Variants in CCDC170 observed in about 807,000 individuals in gnomAD.
CCDC170 encodes the protein coiled-coil domain containing 170.
Under a neutral mutation model 72.6 loss-of-function variants are expected in CCDC170, and 69 were observed. The observed-to-expected ratio is 0.95, with a 90% CI of 0.78 to 1.16. CCDC170 has a LOEUF of 1.16. CCDC170 is among the 50% of genes most tolerant of loss of function. CCDC170 has a pLI of 0.00. For missense variants in CCDC170, 852 were observed against 832.5 expected (o/e 1.02, Z -0.29); for synonymous variants, 300 against 303.9 (o/e 0.99, Z 0.13).
intron 9 of CCDC170, among the ~76,000 whole-genome samples, chr6:151,611,381 G>T (rs1162195304): frequency 6.6e-6 from 1 of 152,186 alleles, no homozygotes; most frequent in Non-Finnish European, 1.5e-5. Flanking sequence ...AGTTCTAGAG[G>T]CTGGGAAGTT....
chr6:151,578,420 G>C (rs1017470567), intron 6 of CCDC170, among the ~76,000 whole-genome samples: 2 of 152,072 alleles, frequency 1.3e-5, no homozygotes, highest in Admixed American at 1.3e-4. Context: ...TTTGTTGTAG[G>C]GATAGTGTTC....
In CCDC170 at chr6:151,536,282, T is replaced by C. The variant is rs1471797717; in HGVS notation, c.58-36T>C. The C allele has an allele frequency of 5.0e-6, 8 of 1,608,348 alleles. No individual in the cohort carries two copies. The Admixed American group carries it at 8.3e-5, about 17-fold the overall frequency. On this transcript the variant is annotated intron_variant, in intron 1 of 10. Coordinates refer to ENST00000239374, the MANE Select transcript of CCDC170 (RefSeq NM_025059.4). The stretch of plus-strand genomic sequence containing the variant: ...GCACGGAAAAGATCGTTTAACACTC[T>C]TCTTTATATTTTGTATTTTGGGGGA...
intron 5 of CCDC170, among the ~76,000 whole-genome samples, chr6:151,552,195 T>C (rs1185434752): frequency 6.6e-6 from 1 of 152,204 alleles, no homozygotes; most frequent in Non-Finnish European, 1.5e-5. Flanking sequence ...TTAAGGCTTT[T>C]GGCAAGAATA....
chr6:151,607,061 A>G (rs1266220191), intron 9 of CCDC170, among the ~76,000 whole-genome samples: 1 of 152,150 alleles, frequency 6.6e-6, no homozygotes, highest in Non-Finnish European at 1.5e-5. Flanking sequence ...CCATTTAGCC[A>G]CTAATTGGAG....
intron 7 of CCDC170, among the ~76,000 whole-genome samples, chr6:151,587,367 C>G (rs1052222049): frequency 2.0e-5 from 3 of 151,792 alleles, no homozygotes; most frequent in African/African-American, 4.8e-5. Context: ...GTCTGGTGAC[C>G]AAAGAGAAGA....
chr6:151,563,106 T>C (rs1776069083), intron 5 of CCDC170, among the ~76,000 whole-genome samples: 1 of 152,150 alleles, frequency 6.6e-6, no homozygotes, highest in Non-Finnish European at 1.5e-5. Flanking sequence ...GGTTTGTCTG[T>C]CTTCCTTTTC....
At chr6:151,614,632 T>A (rs1366366372) in intron 9 of CCDC170, among the ~76,000 whole-genome samples, 4 of 149,194 alleles carry the variant, frequency 2.7e-5, no homozygotes, top group East Asian at 1.9e-4. Flanking sequence ...CTTTTGTATT[T>A]TTTTTTTTTT....
intron 1 of CCDC170, among the ~76,000 whole-genome samples, chr6:151,529,670 A>T (rs1782466312): frequency 6.6e-6 from 1 of 152,136 alleles, no homozygotes. Context: ...ACAAAAACAA[A>T]AACAAAATAA....
intron 1 of CCDC170, among the ~76,000 whole-genome samples, chr6:151,527,277 G>A (rs1697535514): frequency 6.6e-6 from 1 of 151,938 alleles, no homozygotes; most frequent in African/African-American, 2.4e-5. Flanking sequence ...AATATGATCA[G>A]TTTTTTCACC....
chr6:151,503,059 C>T (rs772600303), intron 1 of CCDC170, among the ~76,000 whole-genome samples: 2 of 152,034 alleles, frequency 1.3e-5, no homozygotes, highest in African/African-American at 2.4e-5. Context: ...CACCTGTAGT[C>T]CCAGCTGCTC....
At chr6:151,615,405 A>T in intron 9 of CCDC170, 38 bp from the exon 10 acceptor site, 1 of 1,405,322 alleles carries the variant, frequency 7.1e-7, no homozygotes, top group East Asian at 2.3e-5. Flanking sequence ...TCCTAACTAA[A>T]TACAAAAGGA....
chr6:151,508,553 A>G (rs1782096545), intron 1 of CCDC170, among the ~76,000 whole-genome samples: 1 of 151,690 alleles, frequency 6.6e-6, no homozygotes, highest in Non-Finnish European at 1.5e-5. Flanking sequence ...AAACCAAAAA[A>G]ACCCCAAAAA....
intron 3 of CCDC170, 92 bp from the exon 4 acceptor site, chr6:151,544,480 A>G (rs1782741207): frequency 8.3e-7 from 1 of 1,204,558 alleles, no homozygotes; most frequent in Admixed American, 2.4e-5. Context: ...AATGACAATT[A>G]TTTCCCCCAT....
chr6:151,559,012 CT>C (rs201171602), intron 5 of CCDC170, among the ~76,000 whole-genome samples: 57 of 125,684 alleles, frequency 4.5e-4, no homozygotes, highest in Middle Eastern at 5.1e-3. Flanking sequence ...ATTAATTTAT[CT>C]TTTTTTTTTT....
chr6:151,554,872 GTT>G (rs1173500486), intron 5 of CCDC170, among the ~76,000 whole-genome samples: 1,608 of 102,130 alleles, frequency 0.016, 5 homozygotes, highest in African/African-American at 0.042. Context: ...TTGGACCTCA[GTT>G]TTTTTTTTTT....
Position 151,596,430 on chromosome 6 carries a change from C to T in CCDC170, c.1563C>T (p.Arg521=). 2 of 1,614,122 alleles carry T rather than the reference C, an allele frequency of 1.2e-6. No homozygotes were observed. The highest frequency in any genetic ancestry group is 2.2e-5 in the East Asian group (1 of 44,872). ...AGCTGGAGGAGGAGAAGCAGGCACGCACGGCCTTGGTGGTTGAGAGGGACA... is the reference window on the plus strand; with the variant it reads ...AGCTGGAGGAGGAGAAGCAGGCACGTACGGCCTTGGTGGTTGAGAGGGACA... ...IAQLEEEKQA[R]TALVVERDNA... Residue 521 remains arginine (R), a synonymous_variant, in exon 9 of 11, where the codon CGC becomes CGT. Transcript: ENST00000239374.
intron 5 of CCDC170, among the ~76,000 whole-genome samples, chr6:151,560,522 T>G (rs917023417): frequency 5.3e-5 from 8 of 152,148 alleles, no homozygotes; most frequent in Admixed American, 1.3e-4. Context: ...CTTTGTTAGT[T>G]TTCTGACTTA....
chr6:151,553,656 A>G (rs922950166), intron 5 of CCDC170, among the ~76,000 whole-genome samples: 5 of 152,150 alleles, frequency 3.3e-5, no homozygotes, highest in African/African-American at 1.2e-4. Context: ...ACTTGTAATG[A>G]CTGATGCAAT....
At position 151,578,718 on chromosome 6, in the gene CCDC170, C is replaced by G. The variant is rs76502341; in HGVS notation, c.1092+5227C>G. On this transcript the variant is annotated intron_variant, in intron 6 of 10. Transcript: ENST00000239374. ...AGTCAACAGTGCTGGTCACACAAGC[C>G]GACAGAAGGGAAGGAGGATTTGGTC... Among the ~76,000 whole-genome samples the G allele has an allele frequency of 4.4e-3, 676 of 152,218 alleles. 3 individuals are homozygous for G. Among genetic ancestry groups the G allele is most frequent in the African/African-American group, 0.016 (655 of 41,510 alleles).
Sources: allele counts gnomAD v4.1 joint callset (sites outside exome capture counted in the v4.1 genomes callset), GRCh38; gene constraint gnomAD v4.1.1; transcripts MANE v1.5; gene names NCBI Gene and HGNC (gene_info 2026-07-23, HGNC 2026-07-21).